VRK2: variants seen among roughly 807,000 people sequenced by gnomAD.
The protein encoded by VRK2 is VRK serine/threonine kinase 2.
A neutral mutation model predicts 57.6 loss-of-function variants in VRK2; 60 were observed. The observed-to-expected ratio is 1.04, with a 90% CI of 0.85 to 1.29. The LOEUF (loss-of-function observed/expected upper bound fraction) is 1.29. Ranked by LOEUF, VRK2 falls within the 50% of genes most tolerant of loss-of-function variation. The pLI is 0.00. For missense variants in VRK2, 705 were observed against 588.1 expected (o/e 1.20, Z -2.06); for synonymous variants, 231 against 199.2 (o/e 1.16, Z -1.35).
At chr2:58,140,473 C>T (rs1681170848) in intron 11 of VRK2, among the ~76,000 whole-genome samples, 1 of 152,012 alleles carries the variant, frequency 6.6e-6, no homozygotes, top group Non-Finnish European at 1.5e-5. Context: ...AACTCAGCAT[C>T]CATGTCTTCC....
At position 57,980,562 on chromosome 2, in the gene VRK2, A is replaced by G. The variant is rs551072512; in HGVS notation, c.-438-45103A>G. On this transcript the variant is annotated intron_variant, in intron 1 of 15. Coordinates refer to the VRK2 transcript ENST00000417641. ...ATGTCTCTCAGGGTCATTTGGTCAA[A>G]TATCAAATTTCGGTACTGAATATCT... is the stretch of plus-strand genomic sequence containing the variant. Among the ~76,000 whole-genome samples, 100 of 152,250 alleles carry G rather than the reference A, an allele frequency of 6.6e-4. 1 individual carries two copies. The highest frequency in any genetic ancestry group is 1.2e-3 in the Non-Finnish European group (80 of 67,996).
chr2:57,952,962 G>C (rs957870335), intron 1 of VRK2, among the ~76,000 whole-genome samples: 1 of 152,108 alleles, frequency 6.6e-6, no homozygotes, highest in Non-Finnish European at 1.5e-5. Context: ...TGAGCTTCTC[G>C]TCAGATGTCG....
intron 9 of VRK2, among the ~76,000 whole-genome samples, chr2:58,133,999 G>A (rs12999901): frequency 0.31 from 46,832 of 151,910 alleles, 8,495 homozygotes; most frequent in East Asian, 0.43. Context: ...GGGGCCCAGA[G>A]AGCAATACCC....
intron 7 of VRK2, among the ~76,000 whole-genome samples, chr2:58,101,515 A>G (rs1305594629): frequency 6.6e-6 from 1 of 151,674 alleles, no homozygotes; most frequent in Non-Finnish European, 1.5e-5. Flanking sequence ...TTTCTTCTTT[A>G]TCCTAAAATA....
At chr2:58,042,298 T>C (rs1431484389), upstream of VRK2, among the ~76,000 whole-genome samples, 1 of 152,186 alleles carries the variant, frequency 6.6e-6, no homozygotes, top group Non-Finnish European at 1.5e-5. Context: ...CTTGGTCTGA[T>C]TGTTTATCTA....
At chr2:58,134,057 T>A (rs1478945381) in intron 9 of VRK2, among the ~76,000 whole-genome samples, 2 of 152,174 alleles carry the variant, frequency 1.3e-5, no homozygotes, top group Non-Finnish European at 2.9e-5. Flanking sequence ...TGAAAGAGAC[T>A]GGATGGCCCC....
chr2:58,009,002 T>C (rs989682739), intron 1 of VRK2, among the ~76,000 whole-genome samples: 1 of 152,018 alleles, frequency 6.6e-6, no homozygotes, highest in African/African-American at 2.4e-5. Context: ...AGAAGGTGAT[T>C]CCCTCTGCCA....
At chr2:58,105,350 G>GA (rs573340106) in intron 7 of VRK2, among the ~76,000 whole-genome samples, 496 of 147,890 alleles carry the variant, frequency 3.4e-3, no homozygotes, top group Middle Eastern at 0.01. Context: ...AACTTGACAA[G>GA]AAAAAAAAAT....
intron 1 of VRK2, among the ~76,000 whole-genome samples, chr2:57,923,275 T>G (rs1369139416): frequency 6.6e-6 from 1 of 151,960 alleles, no homozygotes; most frequent in Non-Finnish European, 1.5e-5. Flanking sequence ...AGCTCTATTT[T>G]TAGCTCCATT....
intron 8 of VRK2, among the ~76,000 whole-genome samples, chr2:58,126,882 CA>C (rs1678432281): frequency 6.6e-6 from 1 of 151,842 alleles, no homozygotes; most frequent in Admixed American, 6.6e-5. Flanking sequence ...TGTTAAAAAG[CA>C]ATATTTGAAT....
At chr2:57,964,879 CAAAAAAAAAAAAAAA>C (rs540446220) in intron 1 of VRK2, among the ~76,000 whole-genome samples, 32 of 47,868 alleles carry the variant, frequency 6.7e-4, no homozygotes, top group African/African-American at 2.3e-3. Context: ...GAATCCATCT[CAAAAAAAAAAAAAAA>C]AAAAAAAAAA....
intron 11 of VRK2, among the ~76,000 whole-genome samples, chr2:58,145,692 G>C (rs1057363346): frequency 6.6e-6 from 1 of 151,756 alleles, no homozygotes; most frequent in Non-Finnish European, 1.5e-5. Context: ...TATTACATAT[G>C]TATATATGTG....
At chr2:57,974,887 T>C (rs1340781753) in intron 1 of VRK2, among the ~76,000 whole-genome samples, 1 of 151,868 alleles carries the variant, frequency 6.6e-6, no homozygotes, top group Non-Finnish European at 1.5e-5. Context: ...GCTATTTATA[T>C]ATACACACAG....
At chr2:57,922,751 T>A (rs1270589120) in intron 1 of VRK2, among the ~76,000 whole-genome samples, 2 of 136,468 alleles carry the variant, frequency 1.5e-5, no homozygotes, top group African/African-American at 3.1e-5. Context: ...ATACAAACAA[T>A]CCAATTATAC....
intron 1 of VRK2, among the ~76,000 whole-genome samples, chr2:58,020,070 T>C (rs1673703945): frequency 6.6e-6 from 1 of 152,198 alleles, no homozygotes; most frequent in South Asian, 2.1e-4. Flanking sequence ...TTGCTTGAAA[T>C]AGTAAAACAC....
chr2:58,079,433 C>A (rs1200795057), intron 2 of VRK2, among the ~76,000 whole-genome samples: 1 of 152,030 alleles, frequency 6.6e-6, no homozygotes, highest in Non-Finnish European at 1.5e-5. Flanking sequence ...TTATTACTTG[C>A]CCCAATTATT....
intron 1 of VRK2, among the ~76,000 whole-genome samples, chr2:58,020,784 T>C (rs962347276): frequency 1.3e-5 from 2 of 152,174 alleles, no homozygotes; most frequent in African/African-American, 4.8e-5. Flanking sequence ...TAAAGTAAAA[T>C]CTCCAAGTTA....
At chr2:57,997,811 C>T (rs1672971431) in intron 1 of VRK2, among the ~76,000 whole-genome samples, 1 of 151,368 alleles carries the variant, frequency 6.6e-6, no homozygotes, top group African/African-American at 2.4e-5. Flanking sequence ...GGGTGGGAGT[C>T]AGGCTTGAGT....
At chr2:57,997,099 T>C (rs1288511257) in intron 1 of VRK2, among the ~76,000 whole-genome samples, 2 of 151,908 alleles carry the variant, frequency 1.3e-5, no homozygotes, top group Non-Finnish European at 2.9e-5. Context: ...AAGAAGCAAA[T>C]TCAGTAAGGC....
Sources: gnomAD v4.1 joint callset for allele counts (sites outside exome capture counted in the v4.1 genomes callset) on GRCh38, gnomAD v4.1.1 for gene constraint, MANE v1.5 for transcripts, NCBI Gene and HGNC (gene_info 2026-07-23, HGNC 2026-07-21) for gene names.